KIF6: variants seen among roughly 807,000 people sequenced by gnomAD.
The protein encoded by KIF6 is kinesin family member 6.
In KIF6, 106 loss-of-function variants were observed where a neutral mutation model predicts 112.7. The observed-to-expected ratio is 0.94, with a 90% CI of 0.80 to 1.11. The LOEUF (loss-of-function observed/expected upper bound fraction) is 1.11. Ranked by LOEUF, KIF6 falls within the 50% of genes least tolerant of loss-of-function variation. The pLI, the probability that KIF6 is intolerant of heterozygous loss-of-function variation, is 0.00. For missense variants in KIF6, 929 were observed against 964.0 expected, an observed-to-expected ratio of 0.96 and a Z score of 0.48; for synonymous variants, 339 against 339.9, an observed-to-expected ratio of 1.00 and a Z score of 0.03.
At chr6:39,501,788 G>C (rs143954339) in intron 13 of KIF6, among the ~76,000 whole-genome samples, 1 of 152,166 alleles carries the variant, frequency 6.6e-6, no homozygotes, top group Non-Finnish European at 1.5e-5. Context: ...GAGAAAAAAA[G>C]AATTAAAAGG....
intron 16 of KIF6, among the ~76,000 whole-genome samples, chr6:39,381,286 T>C (rs984847903): frequency 6.6e-6 from 1 of 151,968 alleles, no homozygotes; most frequent in Non-Finnish European, 1.5e-5. Context: ...TAGGAACATG[T>C]AGGCAAAAGA....
chr6:39,454,679 G>C (rs532374047), intron 13 of KIF6, among the ~76,000 whole-genome samples: 22 of 152,318 alleles, frequency 1.4e-4, no homozygotes, highest in Admixed American at 5.9e-4. Context: ...TGCGCGAGCC[G>C]AAGCAGGGCG....
At chr6:39,609,268 C>T (rs1294288053) in intron 6 of KIF6, among the ~76,000 whole-genome samples, 5 of 152,158 alleles carry the variant, frequency 3.3e-5, no homozygotes, top group Admixed American at 3.3e-4. Flanking sequence ...AGAAAGCAAG[C>T]TGCCCACCCA....
intron 13 of KIF6, among the ~76,000 whole-genome samples, chr6:39,458,622 C>G (rs924223212): frequency 1.4e-5 from 2 of 141,252 alleles, no homozygotes; most frequent in African/African-American, 5.4e-5. Context: ...TCTAGAAAAC[C>G]CCATCGTCTC....
At chr6:39,448,916 C>G (rs1224849885) in intron 13 of KIF6, among the ~76,000 whole-genome samples, 1 of 152,220 alleles carries the variant, frequency 6.6e-6, no homozygotes, top group Non-Finnish European at 1.5e-5. Context: ...CTATCCCAAG[C>G]TGTTCCCCCT....
intron 13 of KIF6, among the ~76,000 whole-genome samples, chr6:39,477,754 G>A (rs923637771): frequency 3.9e-5 from 6 of 152,192 alleles, no homozygotes; most frequent in South Asian, 4.2e-4. Flanking sequence ...CCAGCTACTC[G>A]GGAGGCTGAG....
intron 10 of KIF6, among the ~76,000 whole-genome samples, chr6:39,571,364 A>G (rs1284340726): frequency 6.6e-6 from 1 of 152,158 alleles, no homozygotes; most frequent in African/African-American, 2.4e-5. Flanking sequence ...CAATTCTATG[A>G]GAGGAGTAAT....
chr6:39,509,144 G>C (rs1413062522), intron 13 of KIF6, among the ~76,000 whole-genome samples: 1 of 152,198 alleles, frequency 6.6e-6, no homozygotes, highest in African/African-American at 2.4e-5. Context: ...GAGGGGGTCT[G>C]TTAGAAGGAA....
intron 6 of KIF6, among the ~76,000 whole-genome samples, chr6:39,597,035 G>A (rs9462557): frequency 0.17 from 25,975 of 152,038 alleles, 2,468 homozygotes; most frequent in Admixed American, 0.27. Flanking sequence ...TAGGAAAAAT[G>A]GTAAGATAAT....
intron 13 of KIF6, among the ~76,000 whole-genome samples, chr6:39,529,110 A>G (rs1430642278): frequency 6.6e-6 from 1 of 152,234 alleles, no homozygotes; most frequent in Non-Finnish European, 1.5e-5. Context: ...ATTTATATGC[A>G]GAAGAACAAA....
chr6:39,604,129 C>T (rs1782739369), intron 6 of KIF6, among the ~76,000 whole-genome samples: 1 of 152,068 alleles, frequency 6.6e-6, no homozygotes, highest in African/African-American at 2.4e-5. Flanking sequence ...TCTAATTGAT[C>T]TGTTCCTCTG....
chr6:39,704,027 A>G (rs991711331), intron 3 of KIF6, among the ~76,000 whole-genome samples: 7 of 152,374 alleles, frequency 4.6e-5, no homozygotes, highest in South Asian at 4.1e-4. Context: ...CTGATATAAA[A>G]TTGCAAACTT....
At chr6:39,681,260 T>C (rs1787493107) in intron 3 of KIF6, among the ~76,000 whole-genome samples, 1 of 152,174 alleles carries the variant, frequency 6.6e-6, no homozygotes, top group African/African-American at 2.4e-5. Flanking sequence ...TTCAGAAGAA[T>C]ACCCAATTAA....
At chr6:39,601,828 G>A (rs545607002) in intron 6 of KIF6, among the ~76,000 whole-genome samples, 2 of 151,824 alleles carry the variant, frequency 1.3e-5, no homozygotes, top group South Asian at 2.1e-4. Flanking sequence ...TGTCAATTTT[G>A]TGCTATCTAC....
chr6:39,503,860 A>G (rs1776279524), intron 13 of KIF6, among the ~76,000 whole-genome samples: 1 of 144,144 alleles, frequency 6.9e-6, no homozygotes, highest in Non-Finnish European at 1.6e-5. Flanking sequence ...AAAAAAAAAA[A>G]AAAAGAAAAA....
intron 13 of KIF6, among the ~76,000 whole-genome samples, chr6:39,489,240 T>G (rs1465053586): frequency 1.3e-5 from 2 of 152,218 alleles, no homozygotes; most frequent in Non-Finnish European, 2.9e-5. Context: ...CTTTTCCTTT[T>G]TGAAGCTCAG....
intron 13 of KIF6, among the ~76,000 whole-genome samples, chr6:39,445,631 G>A (rs1245768905): frequency 6.6e-6 from 1 of 152,216 alleles, no homozygotes; most frequent in Non-Finnish European, 1.5e-5. Flanking sequence ...AGGTCACGTG[G>A]TTCAGAAGGT....
At chr6:39,556,189 C>T (rs1779701542) in intron 10 of KIF6, among the ~76,000 whole-genome samples, 1 of 152,036 alleles carries the variant, frequency 6.6e-6, no homozygotes, top group Non-Finnish European at 1.5e-5. Context: ...CTTCTTTTTT[C>T]TGTAGGCAAA....
At chr6:39,616,500 T>C in intron 5 of KIF6, among the ~76,000 whole-genome samples, 1 of 152,210 alleles carries the variant, frequency 6.6e-6, no homozygotes, top group Non-Finnish European at 1.5e-5. Context: ...TAGGGCTCAT[T>C]TGTGGGCACG....
Sources: gnomAD v4.1 joint callset for allele counts (sites outside exome capture counted in the v4.1 genomes callset) on GRCh38, gnomAD v4.1.1 for gene constraint, MANE v1.5 for transcripts, NCBI Gene and HGNC (gene_info 2026-07-23, HGNC 2026-07-21) for gene names.